DCLK2: variants seen among roughly 807,000 people sequenced by gnomAD.
DCLK2 encodes doublecortin like kinase 2.
In DCLK2, 31 loss-of-function variants were observed where a neutral mutation model predicts 78.4. That is an observed-to-expected ratio of 0.40 (90% CI 0.30 to 0.53). The LOEUF is 0.53. Among genes scored for constraint, DCLK2 ranks in the 20% least tolerant of loss-of-function variants. The pLI, the probability that DCLK2 is intolerant of heterozygous loss-of-function variation, is 0.61. For missense variants in DCLK2, 872 were observed against 973.7 expected, an observed-to-expected ratio of 0.90 and a Z score of 1.39; for synonymous variants, 407 against 374.9, an observed-to-expected ratio of 1.09 and a Z score of -0.99.
intron 5 of DCLK2, among the ~76,000 whole-genome samples, chr4:150,207,461 G>A (rs1237754919): frequency 1.3e-5 from 2 of 152,176 alleles, no homozygotes; most frequent in African/African-American, 4.8e-5. Flanking sequence ...TCTGATCATG[G>A]ATTGTTAGTG....
chr4:150,141,679 G>A (rs1734111319), intron 2 of DCLK2, among the ~76,000 whole-genome samples: 1 of 152,200 alleles, frequency 6.6e-6, no homozygotes, highest in Non-Finnish European at 1.5e-5. Flanking sequence ...TTAAGGATTA[G>A]ACAATGATAA....
chr4:150,159,534 G>A (rs953356785), intron 2 of DCLK2, among the ~76,000 whole-genome samples: 4 of 152,210 alleles, frequency 2.6e-5, no homozygotes, highest in Non-Finnish European at 5.9e-5. Context: ...CCTGGCATGT[G>A]GTGGGGGTGT....
chr4:150,157,177 T>TG (rs886908963), intron 2 of DCLK2, among the ~76,000 whole-genome samples: 11 of 151,704 alleles, frequency 7.3e-5, no homozygotes, highest in African/African-American at 2.4e-4. Flanking sequence ...GTTTTTTTTT[T>TG]TTTTTGTTAC....
intron 5 of DCLK2, among the ~76,000 whole-genome samples, chr4:150,210,868 A>C (rs1176974826): frequency 6.6e-6 from 1 of 151,358 alleles, no homozygotes; most frequent in Non-Finnish European, 1.5e-5. Flanking sequence ...GAATCACTTG[A>C]ACCCAGGAGG....
chr4:150,206,653 G>A (rs1739866210), intron 5 of DCLK2, among the ~76,000 whole-genome samples: 1 of 152,160 alleles, frequency 6.6e-6, no homozygotes, highest in African/African-American at 2.4e-5. Context: ...AAAAGGCTAG[G>A]AAGTCTATTT....
At chr4:150,198,200 C>T (rs1213990158) in intron 4 of DCLK2, 97 bp downstream of exon 4, 44 of 1,040,506 alleles carry the variant, frequency 4.2e-5, no homozygotes, top group Admixed American at 1.6e-4. Flanking sequence ...TTGCCAGGGT[C>T]GTATGCAGCC....
At position 150,141,542 on chromosome 4, in the gene DCLK2, G is replaced by A. The variant is rs1027003570; in HGVS notation, c.756+38730G>A. On this transcript the variant is annotated intron_variant, in intron 2 of 15. Coordinates refer to ENST00000296550, the MANE Select transcript of DCLK2 (RefSeq NM_001040260.4). ...AGGGCTTTGTTAGTTTCTGAGCATT[G>A]GACTCTTACCATTTTATCAACATCT... Among the ~76,000 whole-genome samples the A allele has an allele frequency of 2.6e-5, 4 of 152,252 alleles. No individual in the cohort carries two copies. The South Asian group carries it at 8.3e-4, about 32-fold the overall frequency.
At chr4:150,254,343 G>C in intron 15 of DCLK2, 1 of 398,680 alleles carries the variant, frequency 2.5e-6, no homozygotes, top group Non-Finnish European at 4.4e-6. Flanking sequence ...TGTTGCTTCT[G>C]TTGAAAGTAA....
chr4:150,224,637 G>A (rs1741458572), intron 8 of DCLK2, 79 bp downstream of exon 8: 1 of 1,218,706 alleles, frequency 8.2e-7, no homozygotes, highest in Non-Finnish European at 1.2e-6. Context: ...AGGAATTTAA[G>A]TGGGGACTTG....
At chr4:150,120,680 C>T (rs1364741603) in intron 2 of DCLK2, among the ~76,000 whole-genome samples, 1 of 152,252 alleles carries the variant, frequency 6.6e-6, no homozygotes, top group South Asian at 2.1e-4. Flanking sequence ...AAATGTTTGG[C>T]GTCCTAGCAC....
chr4:150,201,227 A>T (rs1739425731), intron 4 of DCLK2, among the ~76,000 whole-genome samples: 1 of 152,088 alleles, frequency 6.6e-6, no homozygotes, highest in South Asian at 2.1e-4. Flanking sequence ...AGTTGAGGGG[A>T]GGGGGATAAA....
chr4:150,233,988 C>G (rs1742278617), intron 10 of DCLK2, among the ~76,000 whole-genome samples: 1 of 152,146 alleles, frequency 6.6e-6, no homozygotes, highest in Non-Finnish European at 1.5e-5. Flanking sequence ...TTCCACCTTT[C>G]AGGGCTCTCA....
chr4:150,252,415 A>T (rs1371060268), intron 15 of DCLK2, among the ~76,000 whole-genome samples: 1 of 152,238 alleles, frequency 6.6e-6, no homozygotes, highest in African/African-American at 2.4e-5. Flanking sequence ...CCCAGGGCTT[A>T]GGAGAGTTTG....
chr4:150,220,052 C>T (rs556531824), intron 5 of DCLK2, among the ~76,000 whole-genome samples: 5 of 152,206 alleles, frequency 3.3e-5, no homozygotes, highest in East Asian at 1.9e-4. Context: ...CAAGTGAAGC[C>T]GGAGAAGGAC....
chr4:150,108,439 G>A (rs1234643567), intron 2 of DCLK2, among the ~76,000 whole-genome samples: 2 of 151,898 alleles, frequency 1.3e-5, no homozygotes, highest in Non-Finnish European at 2.9e-5. Context: ...AGCTACACGG[G>A]AGGCTGAGGC....
Position 150,102,694 on chromosome 4 carries a change from G to A in DCLK2, c.638G>A (p.Arg213Gln), listed in dbSNP as rs752209460. 7 of 1,613,922 alleles carry A rather than the reference G, an allele frequency of 4.3e-6. No homozygotes were observed. The highest frequency in any genetic ancestry group is 1.3e-5 in the African/African-American group (1 of 74,898). The change falls in exon 2 of 16, where the codon CGG becomes CAG. Residue 213 changes from arginine to glutamine, a missense_variant. Physicochemically the swap from Arg to Gln is conservative, Grantham distance 43. This residue lies in a region of DCLK2 where 567 missense variants were observed against 593.4 expected (regional missense o/e 0.96). Coordinates refer to ENST00000296550, the MANE Select transcript of DCLK2 (RefSeq NM_001040260.4). ...GGAGTGAAGCCTAGAAAAGCCGTGCGGATCCTTCTGAATAAAAAGACTGCT... is the reference window on the plus strand; with the variant it reads ...GGAGTGAAGCCTAGAAAAGCCGTGCAGATCCTTCTGAATAAAAAGACTGCT... ...RSGVKPRKAV[R>Q]ILLNKKTAHS... is the part of the protein sequence containing the mutation.
At chr4:150,129,056 C>T (rs1162482011) in intron 2 of DCLK2, among the ~76,000 whole-genome samples, 1 of 152,068 alleles carries the variant, frequency 6.6e-6, no homozygotes, top group Non-Finnish European at 1.5e-5. Flanking sequence ...ATATACCTGA[C>T]ATAACTATTC....
chr4:150,082,096 T>C (rs957780839), intron 1 of DCLK2, among the ~76,000 whole-genome samples: 11 of 152,124 alleles, frequency 7.2e-5, no homozygotes, highest in African/African-American at 2.7e-4. Context: ...TTAATTAAAA[T>C]TGTGTGCTCA....
chr4:150,121,508 C>A (rs942223944), intron 2 of DCLK2, among the ~76,000 whole-genome samples: 1 of 152,206 alleles, frequency 6.6e-6, no homozygotes, highest in African/African-American at 2.4e-5. Flanking sequence ...AATTCTAGTT[C>A]TCTTGCTATT....
Sources: allele counts gnomAD v4.1 joint callset (sites outside exome capture counted in the v4.1 genomes callset), GRCh38; gene constraint gnomAD v4.1.1; regional missense constraint gnomAD v4.1.1; transcripts MANE v1.5; gene names NCBI Gene and HGNC (gene_info 2026-07-23, HGNC 2026-07-21).